PPP1R13B: variants seen among roughly 807,000 people sequenced by gnomAD.
The protein encoded by PPP1R13B is apoptosis-stimulating of p53 protein 1.
Under a neutral mutation model 119.8 loss-of-function variants are expected in PPP1R13B, and 44 were observed. The observed-to-expected ratio is 0.37, with a 90% CI of 0.29 to 0.47. PPP1R13B has a LOEUF of 0.47. Among genes scored for constraint, PPP1R13B ranks in the 20% least tolerant of loss-of-function variants. The pLI is 0.99. For missense variants in PPP1R13B, 1,227 were observed against 1,413.5 expected (o/e 0.87, Z 2.12); for synonymous variants, 542 against 561.5 (o/e 0.97, Z 0.49).
At chr14:103,827,957 ATTCTCTAT>A in intron 1 of PPP1R13B, among the ~76,000 whole-genome samples, 1 of 152,324 alleles carries the variant, frequency 6.6e-6, no homozygotes, top group East Asian at 1.9e-4. Flanking sequence ...ACCATAAGGT[ATTCTCTAT>A]TAAGAGTGAT....
At chr14:103,834,563 G>GA (rs1567160719) in intron 1 of PPP1R13B, among the ~76,000 whole-genome samples, 1 of 150,968 alleles carries the variant, frequency 6.6e-6, no homozygotes, top group Non-Finnish European at 1.5e-5. Context: ...ACTGCACAGG[G>GA]AAGGTAAATT....
In PPP1R13B at chr14:103,784,836, A is replaced by C; in HGVS notation, c.236T>G (p.Phe79Cys). 1 of 1,609,610 alleles carries C rather than the reference A, an allele frequency of 6.2e-7. No individual in the cohort carries two copies. The highest frequency in any genetic ancestry group is 8.5e-7 in the Non-Finnish European group (1 of 1,176,646). The change falls in exon 3 of 17, where the codon TTC (phenylalanine) becomes TGC (cysteine). Residue 79 changes from phenylalanine (F) to cysteine (C), a missense_variant. Transcript: ENST00000202556. The part of the protein sequence containing the change: ...WGPRREEVKF[F>C]LRHEDSPTEN... ...AGTTGGGGAGTCCTCGTGTCGAAGG[A>C]AAAATTTCACTTCTTCCCTCCGTGG...
intron 6 of PPP1R13B, among the ~76,000 whole-genome samples, chr14:103,753,676 A>G (rs1053663997): frequency 1.3e-5 from 2 of 152,110 alleles, no homozygotes; most frequent in African/African-American, 4.8e-5. Flanking sequence ...GGAGCGCCCC[A>G]CCCTAATCCA....
At chr14:103,745,177 C>T (rs1040126191) in intron 9 of PPP1R13B, among the ~76,000 whole-genome samples, 3 of 152,210 alleles carry the variant, frequency 2.0e-5, no homozygotes, top group Admixed American at 6.5e-5. Context: ...TGAGTGGGGG[C>T]TTGTGGCTCA....
upstream of PPP1R13B, chr14:103,848,514 G>C (rs1403665851): frequency 2.0e-6 from 2 of 984,372 alleles, no homozygotes; most frequent in African/African-American, 3.5e-5. Flanking sequence ...GCGGCGGAGA[G>C]CAGACAGGGG....
At chr14:103,763,290 T>C (rs2084853452) in intron 4 of PPP1R13B, 3 of 376,964 alleles carry the variant, frequency 8.0e-6, no homozygotes, top group Admixed American at 8.7e-5. Context: ...GCACAGTGCG[T>C]CCATTTAGAA....
chr14:103,737,935 T>TC, intron 14 of PPP1R13B, 75 bp from the exon 15 acceptor site: 8 of 1,461,992 alleles, frequency 5.5e-6, no homozygotes, highest in Non-Finnish European at 7.3e-6. Flanking sequence ...GAGATTTCCC[T>TC]CTAAGGAATC....
chr14:103,812,127 G>GTTTTT (rs754523884), intron 1 of PPP1R13B, among the ~76,000 whole-genome samples: 1 of 121,332 alleles, frequency 8.2e-6, no homozygotes, highest in Non-Finnish European at 1.7e-5. Flanking sequence ...TCTGTGTGTG[G>GTTTTT]TTTTTTTTTT....
chr14:103,803,426 T>C (rs1282200254), intron 1 of PPP1R13B, among the ~76,000 whole-genome samples: 1 of 152,114 alleles, frequency 6.6e-6, no homozygotes, highest in Non-Finnish European at 1.5e-5. Flanking sequence ...GGCGGATCAC[T>C]AGGACAGGAG....
rs764380552 is a variant in PPP1R13B at position 103,784,805 on chromosome 14, G to A, written c.267C>T (p.Asn89=). 3 of 1,601,400 alleles carry A rather than the reference G, an allele frequency of 1.9e-6. No homozygotes were observed. The highest frequency in any genetic ancestry group is 1.1e-5 in the South Asian group (1 of 90,042). Residue 89 remains asparagine (N), a synonymous_variant, in exon 3 of 17, where the codon AAC becomes AAT. Coordinates refer to ENST00000202556, the MANE Select transcript of PPP1R13B (RefSeq NM_015316.3). ...AAAGCAGTTATCTACCTTGTTCACT[G>A]TTCTCAGTTGGGGAGTCCTCGTGTC... ...FLRHEDSPTE[N]SEQGGRQTQE...
At chr14:103,787,932 G>A (rs1307623021) in intron 2 of PPP1R13B, among the ~76,000 whole-genome samples, 1 of 151,966 alleles carries the variant, frequency 6.6e-6, no homozygotes, top group African/African-American at 2.4e-5. Flanking sequence ...TTACAGGCGT[G>A]AGCCGCCGCG....
intron 1 of PPP1R13B, chr14:103,846,933 C>T: frequency 5.1e-6 from 6 of 1,169,552 alleles, no homozygotes; most frequent in Non-Finnish European, 5.5e-6. Flanking sequence ...CCCAGGGCGA[C>T]CCCAGAACGT....
intron 15 of PPP1R13B, 66 bp from the exon 16 acceptor site, chr14:103,736,268 G>C: frequency 1.3e-6 from 2 of 1,526,930 alleles, no homozygotes; most frequent in Non-Finnish European, 1.8e-6. Context: ...CCCTGCTCGA[G>C]GAACAGGACA....
chr14:103,737,401 C>CAAAA, intron 15 of PPP1R13B: 5 of 160,806 alleles, frequency 3.1e-5, no homozygotes, highest in Non-Finnish European at 5.7e-5. Flanking sequence ...ACTGTCTCTA[C>CAAAA]AAAAAAAAAA....
intron 1 of PPP1R13B, among the ~76,000 whole-genome samples, chr14:103,799,509 C>T (rs1048830836): frequency 4.6e-5 from 7 of 151,468 alleles, no homozygotes; most frequent in East Asian, 2.0e-4. Context: ...CACAGGGTTT[C>T]GCCACATTGA....
chr14:103,761,505 TG>T (rs1257178100), intron 4 of PPP1R13B, among the ~76,000 whole-genome samples: 1 of 152,086 alleles, frequency 6.6e-6, no homozygotes, highest in African/African-American at 2.4e-5. Flanking sequence ...GGCTCACACC[TG>T]TAATCCCAGC....
chr14:103,847,742 A>C (rs1394569497), upstream of PPP1R13B: 15 of 631,838 alleles, frequency 2.4e-5, no homozygotes, highest in Non-Finnish European at 3.0e-5. Flanking sequence ...AGCGGCGGCC[A>C]GGTGCGTGCG....
chr14:103,767,653 C>A (rs1210272579), intron 4 of PPP1R13B, among the ~76,000 whole-genome samples: 1 of 152,118 alleles, frequency 6.6e-6, no homozygotes, highest in Non-Finnish European at 1.5e-5. Flanking sequence ...CCTGGCCTCT[C>A]CCAGGCTGGT....
intron 9 of PPP1R13B, among the ~76,000 whole-genome samples, chr14:103,744,983 CAAAG>C (rs1351328381): frequency 6.6e-6 from 1 of 152,238 alleles, no homozygotes. Flanking sequence ...GGGAGTTTCT[CAAAG>C]GAAGTCAGCA....
Sources: gnomAD v4.1 joint callset for allele counts (sites outside exome capture counted in the v4.1 genomes callset) on GRCh38, gnomAD v4.1.1 for gene constraint, MANE v1.5 for transcripts, NCBI Gene and HGNC (gene_info 2026-07-23, HGNC 2026-07-21) for gene names.